RNF216: variants seen among roughly 807,000 people sequenced by gnomAD.
RNF216 encodes ring finger protein 216, also known as E3 ubiquitin-protein ligase RNF216.
In RNF216, 72 loss-of-function variants were observed where a neutral mutation model predicts 110.8. That is an observed-to-expected ratio of 0.65 (90% CI 0.54 to 0.79). The LOEUF is 0.79. Ranked by LOEUF, RNF216 falls within the 30% of genes least tolerant of loss-of-function variation. RNF216 has a pLI of 0.00. For synonymous variants in RNF216, 495 were observed against 407.5 expected (o/e 1.21, Z -2.59); for missense variants, 1,342 against 1,141.2 (o/e 1.18, Z -2.54).
At chr7:5,765,507 G>T (rs1477478489) in intron 1 of RNF216, among the ~76,000 whole-genome samples, 1 of 151,914 alleles carries the variant, frequency 6.6e-6, no homozygotes, top group Non-Finnish European at 1.5e-5. Context: ...GTGCATGCCC[G>T]TAGTCCCAGC....
At chr7:5,757,751 C>T (rs1459991591) in intron 2 of RNF216, among the ~76,000 whole-genome samples, 1 of 152,156 alleles carries the variant, frequency 6.6e-6, no homozygotes, top group African/African-American at 2.4e-5. Context: ...TGCAAAGAGG[C>T]ACAAGGGAAT....
At chr7:5,736,074 C>G (rs976825038) in intron 5 of RNF216, among the ~76,000 whole-genome samples, 1 of 151,944 alleles carries the variant, frequency 6.6e-6, no homozygotes, top group African/African-American at 2.4e-5. Context: ...GCCTAGGTGA[C>G]AGAGTGAGAC....
At chr7:5,693,976 C>T (rs1376868075) in intron 13 of RNF216, among the ~76,000 whole-genome samples, 1 of 152,134 alleles carries the variant, frequency 6.6e-6, no homozygotes, top group Admixed American at 6.5e-5. Flanking sequence ...AAAACAAAGG[C>T]TTCCAACATT....
chr7:5,620,663 CA>C lies in RNF216; in HGVS notation c.*2196del, dbSNP rs1786297630. 1 of 152,366 alleles carries C rather than the reference CA, an allele frequency of 6.6e-6. No individual in the cohort carries two copies. Among genetic ancestry groups the C allele is most frequent in the African/African-American group, 2.4e-5 (1 of 41,470 alleles). 9.4% of individuals were successfully genotyped at this position (152,366 alleles called of 1,614,324 possible). A position where few individuals can be genotyped will look rare whatever the true frequency, so the allele number is the denominator to read the frequency against. On this transcript the variant is annotated 3_prime_UTR_variant, in exon 17 of 17. Transcript: ENST00000389902. ...TGGCCAGAACAGCTGGAACTCCTCTCAAATGACCCACCCCTGGGGTTTGGCC... is the reference window on the plus strand; with the variant it reads ...TGGCCAGAACAGCTGGAACTCCTCTCAATGACCCACCCCTGGGGTTTGGCC...
intron 13 of RNF216, among the ~76,000 whole-genome samples, chr7:5,681,666 A>G (rs1449839255): frequency 1.3e-5 from 2 of 152,182 alleles, no homozygotes; most frequent in Admixed American, 1.3e-4. Flanking sequence ...AACTGGGGAT[A>G]GTTTTCTGTC....
chr7:5,755,662 A>G (rs574461325), intron 2 of RNF216, among the ~76,000 whole-genome samples: 32 of 152,324 alleles, frequency 2.1e-4, no homozygotes, highest in Admixed American at 8.5e-4. Context: ...TATATAATCC[A>G]CTATATGAAT....
intron 13 of RNF216, among the ~76,000 whole-genome samples, chr7:5,677,023 C>T (rs763773743): frequency 1.3e-5 from 2 of 152,186 alleles, no homozygotes; most frequent in Admixed American, 6.5e-5. Context: ...AAACGAACCT[C>T]GTAAGAGAAC....
chr7:5,774,355 T>G (rs1008144836), intron 1 of RNF216, among the ~76,000 whole-genome samples: 1 of 152,182 alleles, frequency 6.6e-6, no homozygotes, highest in African/African-American at 2.4e-5. Flanking sequence ...AGAGAATCCT[T>G]TGAGCCCAGG....
At chr7:5,712,988 C>CT (rs1792814549) in intron 11 of RNF216, 125 bp from the exon 12 acceptor site, 1 of 870,300 alleles carries the variant, frequency 1.1e-6, no homozygotes, top group Admixed American at 3.0e-5. Flanking sequence ...CTGTTCATCT[C>CT]TGAGAAATCA....
At position 5,622,912 on chromosome 7, in the gene RNF216, A is replaced by G. The variant is rs750837298; in HGVS notation, c.2720T>C (p.Leu907Pro). The G allele has an allele frequency of 6.2e-7, 1 of 1,612,980 alleles. No homozygotes were observed. Among genetic ancestry groups the G allele is most frequent in the South Asian group, 1.1e-5 (1 of 91,034 alleles). ...NYDFGPIHMP[L>P]EHNLPMHFGP... Reference sequence around the variant, plus strand: ...AAAGTGCATGGGCAGGTTGTGCTCCAGGGGCATGTGGATGGGACCGAAGTC... The same window carrying G: ...AAAGTGCATGGGCAGGTTGTGCTCCGGGGGCATGTGGATGGGACCGAAGTC... The change falls in exon 17 of 17, where the codon CTG becomes CCG. Residue 907 changes from leucine to proline, a missense_variant. Leu to Pro is a moderately conservative substitution (Grantham distance 98, BLOSUM62 -3). Transcript: ENST00000389902.
chr7:5,745,428 GCTC>G (rs1253173658), intron 3 of RNF216, among the ~76,000 whole-genome samples: 1 of 152,116 alleles, frequency 6.6e-6, no homozygotes, highest in African/African-American at 2.4e-5. Context: ...GGCCATTCGT[GCTC>G]TTCTCTATCA....
At chr7:5,650,747 G>A (rs1227460142) in intron 14 of RNF216, among the ~76,000 whole-genome samples, 3 of 152,126 alleles carry the variant, frequency 2.0e-5, no homozygotes, top group Non-Finnish European at 2.9e-5. Context: ...TTAAGGATTT[G>A]TAATTAGACT....
intron 13 of RNF216, among the ~76,000 whole-genome samples, chr7:5,687,984 G>C (rs1791093535): frequency 6.6e-6 from 1 of 152,054 alleles, no homozygotes; most frequent in Non-Finnish European, 1.5e-5. Flanking sequence ...TCTTTTTTCT[G>C]TTTTCCAGGA....
chr7:5,745,504 A>C (rs911354496), intron 3 of RNF216, among the ~76,000 whole-genome samples: 5 of 152,246 alleles, frequency 3.3e-5, no homozygotes, highest in African/African-American at 1.2e-4. Context: ...AAGCATAAAA[A>C]TTGGAAAGAC....
intron 1 of RNF216, among the ~76,000 whole-genome samples, chr7:5,764,002 A>ATG (rs755190951): frequency 6.6e-6 from 1 of 152,132 alleles, no homozygotes; most frequent in Non-Finnish European, 1.5e-5. Flanking sequence ...CAGCCTGGCC[A>ATG]ACATGGGCGA....
intron 11 of RNF216, chr7:5,713,444 A>G (rs1792845180): frequency 2.0e-5 from 3 of 152,402 alleles, no homozygotes; most frequent in African/African-American, 7.2e-5. Context: ...TCTGAAATGG[A>G]GTCTGCATAA....
At chr7:5,770,745 A>G (rs896665524) in intron 1 of RNF216, among the ~76,000 whole-genome samples, 1 of 152,156 alleles carries the variant, frequency 6.6e-6, no homozygotes, top group Non-Finnish European at 1.5e-5. Context: ...ACTAATTAAG[A>G]CAATATTGTA....
At chr7:5,772,004 C>CGG (rs1326364097) in intron 1 of RNF216, among the ~76,000 whole-genome samples, 1 of 152,122 alleles carries the variant, frequency 6.6e-6, no homozygotes, top group East Asian at 1.9e-4. Context: ...AAGGCCGAGG[C>CGG]GGGTGGATCA....
At chr7:5,755,748 A>T (rs1326156068) in intron 2 of RNF216, among the ~76,000 whole-genome samples, 1 of 152,208 alleles carries the variant, frequency 6.6e-6, no homozygotes, top group Non-Finnish European at 1.5e-5. Context: ...GGATAGTGCT[A>T]TTGTGAACAT....
Sources: gnomAD v4.1 joint callset for allele counts (sites outside exome capture counted in the v4.1 genomes callset) on GRCh38, gnomAD v4.1.1 for gene constraint, MANE v1.5 for transcripts, NCBI Gene and HGNC (gene_info 2026-07-23, HGNC 2026-07-21) for gene names.